The following RIC1 variants were observed in gnomAD, a reference collection of about 807,000 sequenced individuals.
RIC1 encodes the protein RIC1 partner of RAB6A GEF complex.
Under a neutral mutation model 169.0 loss-of-function variants are expected in RIC1, and 88 were observed. That is an observed-to-expected ratio of 0.52 (90% CI 0.44 to 0.62). The LOEUF (loss-of-function observed/expected upper bound fraction) is 0.62. RIC1 is among the 20% of genes least tolerant of loss of function. The pLI, the probability that RIC1 is intolerant of heterozygous loss-of-function variation, is 0.00. For missense variants in RIC1, 1,877 were observed against 1,725.5 expected, an observed-to-expected ratio of 1.09 and a Z score of -1.56; for synonymous variants, 790 against 601.5, an observed-to-expected ratio of 1.31 and a Z score of -4.59.
chr9:5,731,457 T>C (rs1186726456), intron 6 of RIC1, among the ~76,000 whole-genome samples: 1 of 152,206 alleles, frequency 6.6e-6, no homozygotes, highest in Non-Finnish European at 1.5e-5. Flanking sequence ...TGTAGGATTC[T>C]AGTTCATATA....
At position 5,769,084 on chromosome 9, in the gene RIC1, C is replaced by T. The variant is rs1827009799; in HGVS notation, c.3252C>T (p.Ala1084=). 6.2e-7 allele frequency: 1 copy of T among 1,613,894 alleles called. No individual in the cohort carries two copies. The highest frequency in any genetic ancestry group is 1.3e-5 in the African/African-American group (1 of 74,868). The change falls in exon 22 of 26, where the codon GCC becomes GCT. Residue 1084 remains alanine, a synonymous_variant. Transcript: ENST00000414202. ...VRLKDLGCFA[A]QLGFELISWL... ...TAAAGGACCTTGGCTGCTTTGCAGC[C>T]CAGCTGGGCTTTGAACTAATTAGTT...
chr9:5,689,997 T>G lies in RIC1; in HGVS notation c.291T>G (p.Ser97=). ...NGYILFFHIT[S]TRGDKYLYEP... is the part of the protein sequence containing the mutation. ...ACATCTTGTTTTTTCATATTACATC[T>G]ACAAGAGGGGACAAGTACCTTTATG... is the stretch of plus-strand genomic sequence containing the variant. Residue 97 remains serine, a synonymous_variant, in exon 3 of 26, where the codon TCT becomes TCG. Transcript: ENST00000414202. 1 of 1,600,556 alleles carries G rather than the reference T, an allele frequency of 6.2e-7. No homozygotes were observed. Among genetic ancestry groups the G allele is most frequent in the Non-Finnish European group, 8.5e-7 (1 of 1,175,708 alleles).
intron 1 of RIC1, among the ~76,000 whole-genome samples, chr9:5,647,629 A>G (rs1818582484): frequency 1.3e-5 from 2 of 152,162 alleles, no homozygotes; most frequent in Admixed American, 1.3e-4. Flanking sequence ...CATTCATTCT[A>G]ACAGGTTTGT....
chr9:5,703,424 G>A (rs914995177), intron 3 of RIC1, among the ~76,000 whole-genome samples: 1 of 152,146 alleles, frequency 6.6e-6, no homozygotes, highest in South Asian at 2.1e-4. Context: ...CCTAGTTCCA[G>A]AACTTTTACA....
intron 22 of RIC1, among the ~76,000 whole-genome samples, chr9:5,769,883 T>C (rs1413762212): frequency 6.6e-6 from 1 of 152,204 alleles, no homozygotes; most frequent in Non-Finnish European, 1.5e-5. Flanking sequence ...ATATAACTTT[T>C]AGGTGGTATT....
rs1415512943 is a variant in RIC1, at chr9:5,755,007, T to G, written c.1692+77T>G. The G allele has an allele frequency of 5.6e-6, 5 of 899,964 alleles. No homozygotes were observed. In the Admixed American group the frequency reaches 1.2e-4, roughly 21 times the overall value. The allele number at this position is 899,964 out of a possible 1,614,324, so 55.7% of individuals were successfully genotyped here. On this transcript the variant is annotated intron_variant, in intron 15 of 25. Coordinates refer to ENST00000414202, the MANE Select transcript of RIC1 (RefSeq NM_020829.4). ...GCATGAATTAATTTTATATAGAAAA[T>G]AGTCGATTGAAAACTGAACAAAACA...
chr9:5,768,541 A>G (rs1362896265), intron 21 of RIC1, among the ~76,000 whole-genome samples: 1 of 152,166 alleles, frequency 6.6e-6, no homozygotes, highest in Non-Finnish European at 1.5e-5. Flanking sequence ...AGAAAAAAAA[A>G]GTTGGTATTC....
intron 1 of RIC1, among the ~76,000 whole-genome samples, chr9:5,635,749 T>G (rs1817942719): frequency 6.6e-6 from 1 of 152,186 alleles, no homozygotes; most frequent in Non-Finnish European, 1.5e-5. Flanking sequence ...CTTGTGATAG[T>G]AAGTTCTCAC....
intron 2 of RIC1, among the ~76,000 whole-genome samples, chr9:5,657,572 T>G (rs1437646480): frequency 1.3e-5 from 2 of 152,130 alleles, no homozygotes; most frequent in East Asian, 1.9e-4. Flanking sequence ...ATTAGAGAGA[T>G]AAGGTATAAA....
chr9:5,674,849 G>GT (rs1036146274), intron 2 of RIC1, among the ~76,000 whole-genome samples: 14 of 152,196 alleles, frequency 9.2e-5, no homozygotes, highest in Admixed American at 7.9e-4. Context: ...CTGTGATTCT[G>GT]TTTTTTTGTT....
intron 4 of RIC1, among the ~76,000 whole-genome samples, chr9:5,718,013 G>A (rs759728822): frequency 1.3e-5 from 2 of 151,414 alleles, no homozygotes; most frequent in South Asian, 2.1e-4. Flanking sequence ...GGTGGCGTGC[G>A]CCTGTAATCC....
intron 7 of RIC1, among the ~76,000 whole-genome samples, chr9:5,735,892 A>G (rs570475395): frequency 2.0e-5 from 3 of 152,358 alleles, no homozygotes; most frequent in East Asian, 1.9e-4. Context: ...TAATGACACT[A>G]AATTTGATCA....
At chr9:5,743,967 A>AT (rs549809585) in intron 10 of RIC1, among the ~76,000 whole-genome samples, 3 of 152,000 alleles carry the variant, frequency 2.0e-5, no homozygotes, top group Admixed American at 2.0e-4. Flanking sequence ...CACACGGTTA[A>AT]TTTTTTTGAT....
intron 1 of RIC1, among the ~76,000 whole-genome samples, chr9:5,640,279 T>C (rs1314196382): frequency 6.6e-6 from 1 of 152,208 alleles, no homozygotes; most frequent in Non-Finnish European, 1.5e-5. Flanking sequence ...TACTGTCTTA[T>C]AACCCATTAT....
At position 5,756,259 on chromosome 9, in the gene RIC1, T is replaced by C. The variant is rs147647665; in HGVS notation, c.1740T>C (p.His580=). Residue 580 remains histidine (H), a synonymous_variant, in exon 16 of 26, where the codon CAT becomes CAC. Transcript: ENST00000414202. ...RTSNLDNAFA[H]VTKAQAETLL... is the part of the protein sequence containing the mutation. ...CAAATCTGGACAATGCCTTTGCTCA[T>C]GTCACCAAAGCACAAGCAGAAACAT... The C allele has an allele frequency of 3.1e-6, 5 of 1,604,206 alleles. No individual in the cohort carries two copies. The highest frequency in any genetic ancestry group is 2.2e-5 in the East Asian group (1 of 44,536).
intron 6 of RIC1, among the ~76,000 whole-genome samples, chr9:5,729,793 C>G (rs1824248402): frequency 1.3e-5 from 2 of 151,816 alleles, no homozygotes; most frequent in Admixed American, 6.6e-5. Context: ...TTGTGATCAC[C>G]TGTGTCAGAA....
In RIC1 at chr9:5,636,216, T is replaced by G. The variant is rs76608627; in HGVS notation, c.144+6763T>G. Among the ~76,000 whole-genome samples the G allele has an allele frequency of 9.8e-3, 1,486 of 152,336 alleles. 24 individuals are homozygous for G. The highest frequency in any genetic ancestry group is 0.034 in the African/African-American group (1,432 of 41,556). Reference sequence around the variant, plus strand: ...AGATATCCAGCCATTTATTTGTACCTTCTTCAGTTTATTTCATCAGCATTT... The same window carrying G: ...AGATATCCAGCCATTTATTTGTACCGTCTTCAGTTTATTTCATCAGCATTT... On this transcript the variant is annotated intron_variant, in intron 1 of 25. Coordinates refer to ENST00000414202, the MANE Select transcript of RIC1 (RefSeq NM_020829.4).
chr9:5,637,720 C>A (rs1038052558), intron 1 of RIC1, among the ~76,000 whole-genome samples: 2 of 152,312 alleles, frequency 1.3e-5, no homozygotes, highest in East Asian at 3.9e-4. Flanking sequence ...ATGTTTGTCT[C>A]TCTATGCCTT....
intron 21 of RIC1, among the ~76,000 whole-genome samples, chr9:5,766,407 G>A (rs1306666199): frequency 6.6e-6 from 1 of 152,104 alleles, no homozygotes; most frequent in African/African-American, 2.4e-5. Context: ...ACATTAATAA[G>A]TTATTTAGTG....
Sources: allele counts gnomAD v4.1 joint callset (sites outside exome capture counted in the v4.1 genomes callset), GRCh38; gene constraint gnomAD v4.1.1; transcripts MANE v1.5; gene names NCBI Gene and HGNC (gene_info 2026-07-23, HGNC 2026-07-21).